The following FUT9 variants were observed in gnomAD, a reference collection of about 807,000 sequenced individuals.
FUT9 encodes the protein 4-galactosyl-N-acetylglucosaminide 3-alpha-L-fucosyltransferase 9.
FUT9 carries 15 observed loss-of-function variants against 29.7 expected under a neutral mutation model. The ratio of observed to expected loss-of-function variants is 0.51; its 90% CI spans 0.34 to 0.78. The LOEUF (loss-of-function observed/expected upper bound fraction) is 0.78, where lower values mean the gene tolerates loss of function less well. FUT9 is among the 30% of genes least tolerant of loss of function. The pLI is 0.01. For missense variants in FUT9, 319 were observed against 425.4 expected (o/e 0.75, Z 2.20); for synonymous variants, 169 against 153.7 (o/e 1.10, Z -0.74).
chr6:96,091,421 G>C (rs750843401), intron 1 of FUT9, among the ~76,000 whole-genome samples: 2 of 151,942 alleles, frequency 1.3e-5, no homozygotes, highest in South Asian at 2.1e-4. Context: ...CAATAACAAC[G>C]CATGAATCTT....
chr6:96,188,726 T>TA (rs1773450391), intron 2 of FUT9, among the ~76,000 whole-genome samples: 1 of 149,594 alleles, frequency 6.7e-6, no homozygotes, highest in South Asian at 2.1e-4. Context: ...TATATATATA[T>TA]TTGTTAAATG....
At chr6:96,025,310 G>A (rs909803649) in intron 1 of FUT9, among the ~76,000 whole-genome samples, 2 of 151,680 alleles carry the variant, frequency 1.3e-5, no homozygotes, top group African/African-American at 4.8e-5. Context: ...GAAAATTCTG[G>A]CATCTGTATT....
chr6:96,057,851 CTATT>C (rs1390773895), intron 1 of FUT9, among the ~76,000 whole-genome samples: 2 of 152,164 alleles, frequency 1.3e-5, no homozygotes, highest in African/African-American at 2.4e-5. Context: ...AGTGCTAAAA[CTATT>C]TATATATACT....
chr6:96,118,258 T>C (rs1358016156), intron 2 of FUT9, among the ~76,000 whole-genome samples: 1 of 152,046 alleles, frequency 6.6e-6, no homozygotes, highest in Non-Finnish European at 1.5e-5. Flanking sequence ...ATTGCTAATT[T>C]ATTTCTGTTA....
intron 2 of FUT9, among the ~76,000 whole-genome samples, chr6:96,191,972 T>C (rs1773519728): frequency 6.6e-6 from 1 of 152,168 alleles, no homozygotes; most frequent in South Asian, 2.1e-4. Flanking sequence ...TCTCAATAGA[T>C]GCAGAAAAGG....
At chr6:96,082,859 C>T (rs1771261011) in intron 1 of FUT9, among the ~76,000 whole-genome samples, 1 of 151,840 alleles carries the variant, frequency 6.6e-6, no homozygotes, top group Admixed American at 6.6e-5. Context: ...CAAGAAAGAG[C>T]TTTGTGCATT....
At chr6:96,096,197 A>G (rs941975082) in intron 1 of FUT9, among the ~76,000 whole-genome samples, 3 of 152,118 alleles carry the variant, frequency 2.0e-5, no homozygotes, top group African/African-American at 7.2e-5. Context: ...TGCAGATGCA[A>G]AAAGACTCGG....
intron 2 of FUT9, among the ~76,000 whole-genome samples, chr6:96,187,092 CA>C (rs1773418324): frequency 6.6e-6 from 1 of 151,990 alleles, no homozygotes; most frequent in Non-Finnish European, 1.5e-5. Flanking sequence ...GGTTACCAGC[CA>C]AGCCTAATGT....
chr6:96,113,786 G>A (rs1170019219), intron 1 of FUT9, among the ~76,000 whole-genome samples: 2 of 151,078 alleles, frequency 1.3e-5, no homozygotes, highest in Non-Finnish European at 1.5e-5. Flanking sequence ...CCAGGGAGGC[G>A]GTGCTTGCAG....
intron 1 of FUT9, among the ~76,000 whole-genome samples, chr6:96,041,379 C>T (rs1387053646): frequency 6.6e-6 from 1 of 152,116 alleles, no homozygotes; most frequent in Non-Finnish European, 1.5e-5. Flanking sequence ...ATGTAAATTT[C>T]ATAAGCTTTG....
At chr6:96,039,737 A>G (rs1770423036) in intron 1 of FUT9, among the ~76,000 whole-genome samples, 3 of 152,172 alleles carry the variant, frequency 2.0e-5, no homozygotes, top group African/African-American at 7.2e-5. Flanking sequence ...AAGATAGCAG[A>G]GGACAGAGAC....
chr6:96,045,102 A>G (rs563937228), intron 1 of FUT9, among the ~76,000 whole-genome samples: 2 of 152,300 alleles, frequency 1.3e-5, no homozygotes, highest in South Asian at 2.1e-4. Context: ...TAAACATGCC[A>G]CAGATGAATC....
intron 1 of FUT9, among the ~76,000 whole-genome samples, chr6:96,060,517 G>A (rs1770855132): frequency 6.6e-6 from 1 of 151,226 alleles, no homozygotes; most frequent in Non-Finnish European, 1.5e-5. Flanking sequence ...GTAACATTAA[G>A]CATAACTTTT....
rs1046884593 is a variant in FUT9, at chr6:96,208,772, A to G, written c.*4537A>G. 6.0e-6 allele frequency: 1 copy of G among 166,822 alleles called. No individual in the cohort carries two copies. Among genetic ancestry groups the G allele is most frequent in the Admixed American group, 6.6e-5 (1 of 15,240 alleles). The allele number at this position is 166,822 out of a possible 1,614,324, so 10.3% of individuals were successfully genotyped here. A position where few individuals can be genotyped will look rare whatever the true frequency, so the allele number is the denominator to read the frequency against. ...ACTGTTTCTAAAAGGAAAGAAAATT[A>G]GTATTTAAGGAGAGTATAAAGTGCG... On this transcript the variant is annotated 3_prime_UTR_variant, in exon 3 of 3. Coordinates refer to ENST00000302103, the MANE Select transcript of FUT9 (RefSeq NM_006581.4).
chr6:96,039,848 C>T (rs115626558), intron 1 of FUT9, among the ~76,000 whole-genome samples: 4,781 of 152,064 alleles, frequency 0.031, 163 homozygotes, highest in East Asian at 0.093. Flanking sequence ...TGAATAAATA[C>T]TTCCTTTCCA....
At chr6:96,122,627 A>G (rs1772050467) in intron 2 of FUT9, among the ~76,000 whole-genome samples, 1 of 152,082 alleles carries the variant, frequency 6.6e-6, no homozygotes, top group African/African-American at 2.4e-5. Flanking sequence ...TATAATGACT[A>G]TTTGCCTAAC....
Position 96,205,543 on chromosome 6 carries a change from A to C in FUT9, c.*1308A>C, listed in dbSNP as rs1773812622. ...CCAAATAAACCTACCATTACATGAA[A>C]ATTTTGAAGAGTATATTCCTGAACT... On this transcript the variant is annotated 3_prime_UTR_variant, in exon 3 of 3. Transcript: ENST00000302103. 1 of 167,012 alleles carries C rather than the reference A, an allele frequency of 6.0e-6. No individual in the cohort carries two copies. The highest frequency in any genetic ancestry group is 6.5e-5 in the Admixed American group (1 of 15,278). The allele number at this position is 167,012 out of a possible 1,614,324, so 10.3% of individuals were successfully genotyped here. A position where few individuals can be genotyped will look rare whatever the true frequency, so the allele number is the denominator to read the frequency against.
At chr6:96,160,697 T>C (rs1772881601) in intron 2 of FUT9, among the ~76,000 whole-genome samples, 1 of 152,176 alleles carries the variant, frequency 6.6e-6, no homozygotes, top group Non-Finnish European at 1.5e-5. Context: ...CATAGATAAC[T>C]AGCTCTTATC....
intron 2 of FUT9, 77 bp downstream of exon 2, chr6:96,114,204 T>C (rs1401480956): frequency 3.3e-5 from 5 of 152,156 alleles, no homozygotes; most frequent in African/African-American, 1.2e-4. Context: ...AGATGATTTA[T>C]ATTGTTTCAG....
Sources: gnomAD v4.1 joint callset for allele counts (sites outside exome capture counted in the v4.1 genomes callset) on GRCh38, gnomAD v4.1.1 for gene constraint, MANE v1.5 for transcripts, NCBI Gene and HGNC (gene_info 2026-07-23, HGNC 2026-07-21) for gene names.